Variants in SGCD observed in about 807,000 individuals in gnomAD.
SGCD encodes the protein delta-sarcoglycan.
Under a neutral mutation model 36.6 loss-of-function variants are expected in SGCD, and 18 were observed. The observed-to-expected ratio is 0.49, with a 90% CI of 0.34 to 0.73. The LOEUF is 0.73. Ranked by LOEUF, SGCD falls within the 30% of genes least tolerant of loss-of-function variation. SGCD has a pLI of 0.01. For missense variants in SGCD, 387 were observed against 346.7 expected, an observed-to-expected ratio of 1.12 and a Z score of -0.92; for synonymous variants, 133 against 130.6, an observed-to-expected ratio of 1.02 and a Z score of -0.12.
chr5:156,122,843 T>TAAAAAAAAAAAAAA lies in SGCD; in HGVS notation c.-207-985_-207-972dup, dbSNP rs33983852. Among the ~76,000 whole-genome samples the TAAAAAAAAAAAAAA allele has an allele frequency of 3.7e-5, 2 of 54,168 alleles. 1 individual carries two copies. Among genetic ancestry groups the TAAAAAAAAAAAAAA allele is most frequent in the African/African-American group, 1.6e-4 (2 of 12,348 alleles). The allele number at this position is 54,168 out of a possible 152,430, so 35.5% of individuals were successfully genotyped here. A position where few individuals can be genotyped will look rare whatever the true frequency, so the allele number is the denominator to read the frequency against. ...ACCAGCATGGTAGTAAAAGATGTGGTAAAAAAAAAAAAAAAAAAAAAAAAA... is the reference window on the plus strand; with the variant it reads ...ACCAGCATGGTAGTAAAAGATGTGGTAAAAAAAAAAAAAAAAAAAAAAAAAAAAAAAAAAAAAAA... On this transcript the variant is annotated intron_variant, in intron 2 of 9. Transcript: ENST00000517913.
chr5:156,529,423 C>CAAA (rs397884521), intron 4 of SGCD, among the ~76,000 whole-genome samples: 30 of 59,054 alleles, frequency 5.1e-4, no homozygotes, highest in African/African-American at 1.2e-3. Context: ...GACTCTGTCT[C>CAAA]AAAAAAAAAA....
At chr5:156,014,879 C>T (rs1224327419) in intron 1 of SGCD, among the ~76,000 whole-genome samples, 1 of 152,070 alleles carries the variant, frequency 6.6e-6, no homozygotes, top group Non-Finnish European at 1.5e-5. Flanking sequence ...AAAATGCTTC[C>T]TCGTAGGGAA....
At chr5:155,824,812 G>A in the SGCD span, among the ~76,000 whole-genome samples, 404 of 152,198 alleles carry the variant, frequency 2.7e-3, 1 homozygote, top group South Asian at 7.3e-3. Context: ...TGATTGTATC[G>A]CTACCACTTA....
intron 1 of SGCD, among the ~76,000 whole-genome samples, chr5:156,043,636 C>A (rs1203411845): frequency 6.6e-6 from 1 of 152,096 alleles, no homozygotes; most frequent in African/African-American, 2.4e-5. Flanking sequence ...CTGTGGAAAC[C>A]TTCAGTTCTC....
chr5:155,792,486 A>G, the SGCD span, among the ~76,000 whole-genome samples: 1 of 151,810 alleles, frequency 6.6e-6, no homozygotes, highest in Non-Finnish European at 1.5e-5. Context: ...TAATGGGAGA[A>G]ACTATTCACC....
intron 6 of SGCD, among the ~76,000 whole-genome samples, chr5:156,635,456 C>T (rs1197963548): frequency 6.6e-6 from 1 of 152,116 alleles, no homozygotes; most frequent in Non-Finnish European, 1.5e-5. Context: ...ACTAGTTCAA[C>T]CATTGTGGAA....
intron 1 of SGCD, among the ~76,000 whole-genome samples, chr5:155,871,775 T>A (rs1441431496): frequency 6.6e-6 from 1 of 152,136 alleles, no homozygotes; most frequent in Non-Finnish European, 1.5e-5. Context: ...GAATGGCTGG[T>A]GACAGGAGGT....
intron 3 of SGCD, among the ~76,000 whole-genome samples, chr5:156,240,603 A>G (rs2127655911): frequency 6.6e-6 from 1 of 152,338 alleles, no homozygotes; most frequent in East Asian, 1.9e-4. Context: ...ATGAGATAAG[A>G]ACCGAAATTC....
intron 1 of SGCD, among the ~76,000 whole-genome samples, chr5:156,111,596 A>G (rs1761786665): frequency 6.6e-6 from 1 of 152,112 alleles, no homozygotes; most frequent in African/African-American, 2.4e-5. Context: ...AAGAAGAGAG[A>G]CCACAGGAGA....
intron 3 of SGCD, among the ~76,000 whole-genome samples, chr5:156,256,447 C>T (rs1377434203): frequency 6.6e-6 from 1 of 152,158 alleles, no homozygotes; most frequent in Non-Finnish European, 1.5e-5. Context: ...TTACGTAGTT[C>T]TCCTCTCACT....
intron 3 of SGCD, among the ~76,000 whole-genome samples, chr5:156,191,678 G>A (rs1444652720): frequency 1.3e-5 from 2 of 152,118 alleles, no homozygotes; most frequent in Non-Finnish European, 2.9e-5. Flanking sequence ...GGCTATACAG[G>A]TGCACTGCTA....
intron 1 of SGCD, among the ~76,000 whole-genome samples, chr5:155,896,303 T>A (rs1372808812): frequency 6.6e-6 from 1 of 152,034 alleles, no homozygotes; most frequent in African/African-American, 2.4e-5. Flanking sequence ...GATTTTTAAA[T>A]GAAACTCCCT....
chr5:156,252,541 T>C (rs777931122), intron 3 of SGCD, among the ~76,000 whole-genome samples: 4 of 152,224 alleles, frequency 2.6e-5, no homozygotes, highest in Non-Finnish European at 4.4e-5. Flanking sequence ...GACTAAATTA[T>C]ATATGTTGGC....
At chr5:156,019,971 C>T (rs574538381) in intron 1 of SGCD, among the ~76,000 whole-genome samples, 1 of 152,262 alleles carries the variant, frequency 6.6e-6, no homozygotes, top group African/African-American at 2.4e-5. Context: ...CAGCTGCAAA[C>T]TCTTACCTCA....
intron 3 of SGCD, among the ~76,000 whole-genome samples, chr5:156,462,896 C>A (rs1223778344): frequency 1.3e-5 from 2 of 152,038 alleles, no homozygotes; most frequent in Admixed American, 1.3e-4. Flanking sequence ...ATTTTATGGG[C>A]TATGAACTTA....
At chr5:156,555,047 G>A (rs529624367) in intron 4 of SGCD, among the ~76,000 whole-genome samples, 1 of 152,100 alleles carries the variant, frequency 6.6e-6, no homozygotes, top group Non-Finnish European at 1.5e-5. Context: ...AAGAAATGTT[G>A]ATTCAGATCT....
the SGCD span, among the ~76,000 whole-genome samples, chr5:155,803,190 A>G: frequency 3.3e-5 from 5 of 152,192 alleles, no homozygotes; most frequent in Admixed American, 2.6e-4. Context: ...AAACCACCCT[A>G]TGTATTTCAG....
At chr5:156,459,648 G>A (rs1489288263) in intron 3 of SGCD, among the ~76,000 whole-genome samples, 1 of 152,132 alleles carries the variant, frequency 6.6e-6, no homozygotes, top group Non-Finnish European at 1.5e-5. Context: ...ATGATTTAAA[G>A]AAGAGTATCT....
intron 2 of SGCD, among the ~76,000 whole-genome samples, chr5:156,332,070 A>G (rs1768092182): frequency 6.6e-6 from 1 of 152,166 alleles, no homozygotes; most frequent in African/African-American, 2.4e-5. Context: ...GGTCAGGAAT[A>G]TTGGTAATAG....
Sources: allele counts gnomAD v4.1 joint callset (sites outside exome capture counted in the v4.1 genomes callset), GRCh38; gene constraint gnomAD v4.1.1; transcripts MANE v1.5; gene names NCBI Gene and HGNC (gene_info 2026-07-23, HGNC 2026-07-21).